TLCD3A: variants seen among roughly 807,000 people sequenced by gnomAD.
The protein encoded by TLCD3A is TLC domain-containing protein 3A.
In TLCD3A, 17 loss-of-function variants were observed where a neutral mutation model predicts 29.9. The observed-to-expected ratio is 0.57, with a 90% confidence interval of 0.39 to 0.85. The LOEUF is 0.85. TLCD3A is among the 40% of genes least tolerant of loss of function. The pLI is 0.00. For synonymous variants in TLCD3A, 143 were observed against 147.7 expected (o/e 0.97, Z 0.23); for missense variants, 332 against 350.8 (o/e 0.95, Z 0.43).
At chr17:738,974 A>G (rs1384386171) in intron 3 of TLCD3A, among the ~76,000 whole-genome samples, 1 of 152,212 alleles carries the variant, frequency 6.6e-6, no homozygotes, top group Admixed American at 6.5e-5. Context: ...ATACAAATAT[A>G]ATACAAAGCA....
intron 1 of TLCD3A, 75 bp from the exon 2 acceptor site, chr17:733,023 C>T (rs750728400): frequency 9.1e-7 from 1 of 1,096,910 alleles, no homozygotes; most frequent in South Asian, 1.5e-5. Context: ...AGAGTCAGGC[C>T]GAAGGGCCGG....
In TLCD3A at chr17:738,097, T is replaced by TGTTTG. The variant is rs777894433; in HGVS notation, c.408+50_408+51insGTTTG. 7.0e-6 allele frequency: 6 copies of TGTTTG among 851,822 alleles called. No individual in the cohort carries two copies. The African/African-American group carries it at 2.1e-4, about 29-fold the overall frequency. The allele number at this position is 851,822 out of a possible 1,614,324, so 52.8% of individuals were successfully genotyped here. Reference sequence around the variant, plus strand: ...CAGCAGCTGGGTTGAGCTGGGTGTCTTTTTTTTTTTTTTTTTCTGAGACAG... The same window carrying TGTTTG: ...CAGCAGCTGGGTTGAGCTGGGTGTCTGTTTGTTTTTTTTTTTTTTTTCTGAGACAG... On this transcript the variant is annotated intron_variant, in intron 3 of 4. Transcript: ENST00000308278.
intron 2 of TLCD3A, 114 bp downstream of exon 2, chr17:733,295 C>A: frequency 2.0e-6 from 2 of 985,974 alleles, no homozygotes; most frequent in Non-Finnish European, 2.9e-6. Flanking sequence ...GCTGGCACCA[C>A]AATGGGCTCC....
Position 737,975 on chromosome 17 carries a change from C to CAGG in TLCD3A, c.336_337insAGG (p.Asn112_Phe113insArg). ...GTGCGCCCTCCCTCACTCTTCGAAA[C>CAGG]TTCCTAAGTCGAAACCGCCTCATGA... On this transcript the variant is annotated inframe_insertion, in exon 3 of 5. Coordinates refer to ENST00000308278, the MANE Select transcript of TLCD3A (RefSeq NM_024792.3). 6.2e-7 allele frequency: 1 copy of CAGG among 1,614,052 alleles called. No homozygotes were observed. Among genetic ancestry groups the CAGG allele is most frequent in the Non-Finnish European group, 8.5e-7 (1 of 1,180,020 alleles).
rs1974263031 is a variant in TLCD3A at position 741,926 on chromosome 17, C to G, written c.*356C>G. ...TCTGCACATCTGCCTGTCCCTGTAT[C>G]AGCGGCTACCCACCTTCCAAACCAC... On this transcript the variant is annotated 3_prime_UTR_variant, in exon 5 of 5. Coordinates refer to ENST00000308278, the MANE Select transcript of TLCD3A (RefSeq NM_024792.3). 3.0e-6 allele frequency: 1 copy of G among 335,456 alleles called. No homozygotes were observed. The highest frequency in any genetic ancestry group is 4.5e-5 in the Admixed American group (1 of 21,998). The allele number at this position is 335,456 out of a possible 1,614,324, so 20.8% of individuals were successfully genotyped here.
At position 733,158 on chromosome 17, in the gene TLCD3A, C is replaced by CT; in HGVS notation, c.184dup (p.Cys62LeufsTer26). ...GCTCGGGGATCGTCATCATTCGCTC[C>CT]TGCGACGACGTGATCACCGGCAGGT... On this transcript the variant is annotated frameshift_variant, in exon 2 of 5. Coordinates refer to ENST00000308278, the MANE Select transcript of TLCD3A (RefSeq NM_024792.3). LOFTEE classifies it high-confidence loss of function. The CT allele has an allele frequency of 3.8e-6, 6 of 1,574,400 alleles. No individual in the cohort carries two copies. The highest frequency in any genetic ancestry group is 5.2e-6 in the Non-Finnish European group (6 of 1,162,512).
Position 735,342 on chromosome 17 carries a change from A to G in TLCD3A, c.206+2161A>G, listed in dbSNP as rs554310807. Reference sequence around the variant, plus strand: ...TCCCACATTTAATTATTTAATCTTCACTGCAGTTTTGACAGGTAAGACAGA... The same window carrying G: ...TCCCACATTTAATTATTTAATCTTCGCTGCAGTTTTGACAGGTAAGACAGA... On this transcript the variant is annotated intron_variant, in intron 2 of 4. Transcript: ENST00000308278. Among the ~76,000 whole-genome samples the G allele has an allele frequency of 3.4e-3, 518 of 152,262 alleles. 4 individuals carry two copies. Among genetic ancestry groups the G allele is most frequent in the African/African-American group, 0.011 (473 of 41,552 alleles).
chr17:733,376 G>A (rs1974106819), intron 2 of TLCD3A, among the ~76,000 whole-genome samples, 195 bp downstream of exon 2: 3 of 152,260 alleles, frequency 2.0e-5, no homozygotes. Flanking sequence ...GAGGACGACA[G>A]AGTCGGAGTC....
chr17:738,096 C>CT (rs371294933), intron 3 of TLCD3A, 49 bp downstream of exon 3: 10,980 of 502,278 alleles, frequency 0.022, 34 homozygotes, highest in Non-Finnish European at 0.028. Context: ...AGCTGGGTGT[C>CT]TTTTTTTTTT....
chr17:735,312 G>A (rs953264297), intron 2 of TLCD3A, among the ~76,000 whole-genome samples: 4 of 152,164 alleles, frequency 2.6e-5, no homozygotes, highest in African/African-American at 7.2e-5. Context: ...GTGCCCGGCC[G>A]ACTTTCCCAC....
intron 2 of TLCD3A, among the ~76,000 whole-genome samples, chr17:736,334 C>T (rs142036557): frequency 1.3e-5 from 2 of 152,276 alleles, no homozygotes; most frequent in African/African-American, 2.4e-5. Context: ...CTACCTAATA[C>T]GTGGATGCGC....
intron 4 of TLCD3A, 94 bp downstream of exon 4, chr17:740,694 T>G: frequency 7.8e-7 from 1 of 1,275,054 alleles, no homozygotes; most frequent in Non-Finnish European, 1.1e-6. Flanking sequence ...GATTCAGGCA[T>G]GTATGAATGA....
At position 741,474 on chromosome 17, in the gene TLCD3A, T is replaced by C. The variant is rs1974253041; in HGVS notation, c.678T>C (p.Asn226=). ...TCCCATTCTACTGCAACGTGGCCAATGCCTTCCTCGTAGCTCCTCAGATCT... is the reference window on the plus strand; with the variant it reads ...TCCCATTCTACTGCAACGTGGCCAACGCCTTCCTCGTAGCTCCTCAGATCT... ...FSIPFYCNVA[N]AFLVAPQIYW... The change falls in exon 5 of 5, where the codon AAT becomes AAC. Residue 226 remains asparagine (N), a synonymous_variant. Transcript: ENST00000308278. The C allele has an allele frequency of 1.2e-6, 2 of 1,614,216 alleles. No homozygotes were observed. The highest frequency in any genetic ancestry group is 1.6e-4 in the Middle Eastern group (1 of 6,062).
rs202207304 is a variant in TLCD3A, at chr17:737,953, C to T, written c.314C>T (p.Ala105Val). ...EWCRTRDQNR[A>V]PSLTLRNFLS... is the part of the protein sequence containing the mutation. ...TGCCGAACCAGAGACCAGAACCGTGCGCCCTCCCTCACTCTTCGAAACTTC... is the reference window on the plus strand; with the variant it reads ...TGCCGAACCAGAGACCAGAACCGTGTGCCCTCCCTCACTCTTCGAAACTTC... The change falls in exon 3 of 5, where the codon GCG becomes GTG. Residue 105 changes from alanine (A) to valine (V), a missense_variant. By Grantham distance (64) the Ala-to-Val change is moderately conservative. Transcript: ENST00000308278. The T allele has an allele frequency of 1.4e-5, 23 of 1,614,052 alleles. No individual in the cohort carries two copies. In the East Asian group the frequency reaches 1.8e-4, roughly 13 times the overall value.
At chr17:741,244 C>A in intron 4 of TLCD3A, 57 bp from the exon 5 acceptor site, 2 of 1,590,108 alleles carry the variant, frequency 1.3e-6, no homozygotes, top group South Asian at 1.1e-5. Flanking sequence ...GGGCCCGTCG[C>A]TCCCTGATGC....
At position 732,613 on chromosome 17, in the gene TLCD3A, G is replaced by A. The variant is rs906742613; in HGVS notation, c.-35G>A. ...GGCGCGCCGAGCCGAACCCAGCCAC[G>A]CGGCGCCAGCGAGGCGGCCGGACCC... On this transcript the variant is annotated 5_prime_UTR_variant, in exon 1 of 5. Coordinates refer to ENST00000308278, the MANE Select transcript of TLCD3A (RefSeq NM_024792.3). The A allele has an allele frequency of 1.7e-5, 21 of 1,204,940 alleles. No individual in the cohort carries two copies. Among genetic ancestry groups the A allele is most frequent in the Admixed American group, 9.0e-5 (2 of 22,182 alleles). 74.6% of individuals were successfully genotyped at this position (1,204,940 alleles called of 1,614,324 possible).
rs1189420420 is a variant in TLCD3A, at chr17:740,588, G to T, written c.492G>T (p.Arg164Ser). ...ELSTPFVSLG[R>S]VLIQLKQQHT... Reference sequence around the variant, plus strand: ...GCACTCCGTTTGTGTCGCTGGGCAGGGTTCTGATTCAGGCATGTATGAATG... The same window carrying T: ...GCACTCCGTTTGTGTCGCTGGGCAGTGTTCTGATTCAGGCATGTATGAATG... Residue 164 changes from arginine to serine, a missense_variant, in exon 4 of 5, where the codon AGG becomes AGT. Coordinates refer to ENST00000308278, the MANE Select transcript of TLCD3A (RefSeq NM_024792.3). 1 of 1,613,892 alleles carries T rather than the reference G, an allele frequency of 6.2e-7. No individual in the cohort carries two copies. The highest frequency in any genetic ancestry group is 1.3e-5 in the African/African-American group (1 of 75,024).
Position 732,788 on chromosome 17 carries a change from C to T in TLCD3A, c.122+19C>T, listed in dbSNP as rs2144102884. On this transcript the variant is annotated intron_variant, in intron 1 of 4. Transcript: ENST00000308278. ...GCACCAGGTACCGGCGCCGCCGAGA[C>T]GCCCCCCGAGGCCCGGGGCGCTGCC... is the stretch of plus-strand genomic sequence containing the variant. 1.4e-6 allele frequency: 2 copies of T among 1,442,692 alleles called. No individual in the cohort carries two copies. Among genetic ancestry groups the T allele is most frequent in the Admixed American group, 2.5e-5 (1 of 40,144 alleles). 89.4% of individuals were successfully genotyped at this position (1,442,692 alleles called of 1,614,324 possible). A position where few individuals can be genotyped will look rare whatever the true frequency, so the allele number is the denominator to read the frequency against.
At position 738,012 on chromosome 17, in the gene TLCD3A, G is replaced by A. The variant is rs1597544127; in HGVS notation, c.373G>A (p.Ala125Thr). Residue 125 changes from alanine (A) to threonine (T), a missense_variant, in exon 3 of 5, where the codon GCG becomes ACG. Coordinates refer to ENST00000308278, the MANE Select transcript of TLCD3A (RefSeq NM_024792.3). The stretch of plus-strand genomic sequence containing the variant: ...AAACCGCCTCATGATCACACATCAT[G>A]CGGTCATTCTCTTTGTCCTTGTGCC... ...SRNRLMITHH[A>T]VILFVLVPVA... 2 of 1,611,034 alleles carry A rather than the reference G, an allele frequency of 1.2e-6. No homozygotes were observed. Among genetic ancestry groups the A allele is most frequent in the East Asian group, 4.5e-5 (2 of 44,688 alleles).
Sources: allele counts gnomAD v4.1 joint callset (sites outside exome capture counted in the v4.1 genomes callset), GRCh38; gene constraint gnomAD v4.1.1; transcripts MANE v1.5; gene names NCBI Gene and HGNC (gene_info 2026-07-23, HGNC 2026-07-21).